Variants in CIROZ observed in about 807,000 individuals in gnomAD.
The protein encoded by CIROZ is ciliated left-right organizer ZP-N domains-containing protein.
At chr1:10,962,993 G>A in the CIROZ span, among the ~76,000 whole-genome samples, 3 of 151,916 alleles carry the variant, frequency 2.0e-5, no homozygotes, top group Admixed American at 6.6e-5. Context: ...GGTGTCATAC[G>A]CCTATAGTCC....
the CIROZ span, among the ~76,000 whole-genome samples, chr1:10,958,362 A>G: frequency 6.6e-6 from 1 of 152,240 alleles, no homozygotes; most frequent in Non-Finnish European, 1.5e-5. Context: ...ACACCTGTGC[A>G]ACATGGAACA....
the CIROZ span, chr1:10,954,036 C>A: frequency 1.9e-6 from 3 of 1,612,612 alleles, no homozygotes; most frequent in Non-Finnish European, 2.5e-6. Context: ...CTGGAAGAAG[C>A]TCTCCACTGT....
chr1:10,965,165 C>T, the CIROZ span, among the ~76,000 whole-genome samples: 3 of 151,816 alleles, frequency 2.0e-5, no homozygotes, highest in African/African-American at 2.4e-5. Flanking sequence ...CTAAGCTTTG[C>T]GGTGGGGCCT....
At chr1:10,954,409 G>A in the CIROZ span, among the ~76,000 whole-genome samples, 6 of 150,058 alleles carry the variant, frequency 4.0e-5, no homozygotes, top group Non-Finnish European at 5.9e-5. Context: ...AGCCGAGATC[G>A]CGCCACTGCA....
chr1:10,949,333 C>T, the CIROZ span: 1 of 484,488 alleles, frequency 2.1e-6, no homozygotes, highest in Admixed American at 3.4e-5. Context: ...TGCTGACCCC[C>T]CACCCTCTGC....
chr1:10,965,363 GA>G, the CIROZ span, among the ~76,000 whole-genome samples: 5 of 149,454 alleles, frequency 3.3e-5, no homozygotes, highest in Non-Finnish European at 6.0e-5. Context: ...GAAAAGACAA[GA>G]AAAAAAAAAC....
chr1:10,971,171 A>T, the CIROZ span, among the ~76,000 whole-genome samples: 83 of 145,056 alleles, frequency 5.7e-4, no homozygotes, highest in Middle Eastern at 3.6e-3. Context: ...GAAAAGGTAG[A>T]GTAGGGGCAA....
At chr1:10,960,506 C>T in the CIROZ span, among the ~76,000 whole-genome samples, 2 of 152,222 alleles carry the variant, frequency 1.3e-5, no homozygotes, top group African/African-American at 2.4e-5. The surrounding 1 kb of genome is among the most constrained non-coding windows in gnomAD (Gnocchi z 4.6). Context: ...ATTTAGGGCC[C>T]GTGGACATTC....
chr1:10,957,804 A>G, the CIROZ span: 1 of 1,570,558 alleles, frequency 6.4e-7, no homozygotes. Flanking sequence ...AGGCACGGTC[A>G]CTAGGGGTTA....
At chr1:10,955,581 G>A in the CIROZ span, among the ~76,000 whole-genome samples, 1 of 152,092 alleles carries the variant, frequency 6.6e-6, no homozygotes, top group African/African-American at 2.4e-5. Context: ...AGTGGTCCAT[G>A]CCTGTAATCC....
At chr1:10,967,358 G>A in the CIROZ span, among the ~76,000 whole-genome samples, 1 of 151,806 alleles carries the variant, frequency 6.6e-6, no homozygotes, top group Admixed American at 6.6e-5. Context: ...TGTGCCCTCT[G>A]CCTGGAACTC....
At chr1:10,956,724 G>A in the CIROZ span, among the ~76,000 whole-genome samples, 2 of 151,916 alleles carry the variant, frequency 1.3e-5, no homozygotes, top group Admixed American at 6.6e-5. Flanking sequence ...TAATCCACCC[G>A]CCGCGGCCTC....
the CIROZ span, chr1:10,948,599 G>A: frequency 6.2e-7 from 1 of 1,614,164 alleles, no homozygotes; most frequent in South Asian, 1.1e-5. Context: ...AGGCATCTGA[G>A]GACACGGGCA....
chr1:10,973,627 G>T, the CIROZ span, among the ~76,000 whole-genome samples: 19 of 152,260 alleles, frequency 1.2e-4, no homozygotes, highest in Admixed American at 9.2e-4. Flanking sequence ...GCTGCAGCAG[G>T]GAGGTGTGGC....
chr1:10,980,052 A>G, the CIROZ span, among the ~76,000 whole-genome samples: 3 of 152,348 alleles, frequency 2.0e-5, no homozygotes, highest in Admixed American at 6.5e-5. Context: ...CGTCTCAAAA[A>G]AAAGAAAGAA....
the CIROZ span, chr1:10,949,398 C>T: frequency 1.7e-6 from 1 of 585,770 alleles, no homozygotes; most frequent in Non-Finnish European, 3.0e-6. Context: ...TCCAGGCCGA[C>T]AGATGAGGGG....
At chr1:10,955,489 G>A in the CIROZ span, among the ~76,000 whole-genome samples, 1,672 of 152,318 alleles carry the variant, frequency 0.011, 12 homozygotes, top group Non-Finnish European at 0.017. Flanking sequence ...TACTGAGACC[G>A]TCTTTGGCTT....
At chr1:10,964,381 C>G in the CIROZ span, 1 of 1,282,150 alleles carries the variant, frequency 7.8e-7, no homozygotes, top group Non-Finnish European at 1.1e-6. Context: ...CATGAACCTC[C>G]TAGAAGGTGG....
At chr1:10,948,401 C>A in the CIROZ span, 1 of 1,613,198 alleles carries the variant, frequency 6.2e-7, no homozygotes, top group Non-Finnish European at 8.5e-7. Flanking sequence ...CGGGCTCCCC[C>A]ATGATGGGCT....
Sources: allele counts gnomAD v4.1 joint callset (sites outside exome capture counted in the v4.1 genomes callset), GRCh38; gene constraint gnomAD v4.1.1; non-coding constraint Gnocchi (gnomAD v3.1); transcripts MANE v1.5; gene names NCBI Gene and HGNC (gene_info 2026-07-23, HGNC 2026-07-21).